CENPP: variants seen among roughly 807,000 people sequenced by gnomAD.
The protein encoded by CENPP is centromere protein P.
A neutral mutation model predicts 35.6 loss-of-function variants in CENPP; 24 were observed. The observed-to-expected ratio is 0.67, with a 90% CI of 0.49 to 0.95. The LOEUF is 0.95. Ranked by LOEUF, CENPP falls within the 40% of genes least tolerant of loss-of-function variation. The probability of loss-of-function intolerance (pLI) is 0.00; values close to 1 mark genes in which losing one functional copy is unlikely to be tolerated. For missense variants in CENPP, 332 were observed against 345.3 expected, an observed-to-expected ratio of 0.96 and a Z score of 0.31; for synonymous variants, 120 against 125.5, an observed-to-expected ratio of 0.96 and a Z score of 0.29.
intron 5 of CENPP, chr9:92,417,450 CA>C (rs1564310365): frequency 1.2e-6 from 2 of 1,613,990 alleles, no homozygotes; most frequent in Non-Finnish European, 1.7e-6. Context: ...TGGTAATCAT[CA>C]TCTGGCTCTT....
chr9:92,404,736 G>A (rs1287633956), intron 5 of CENPP: 1 of 990,200 alleles, frequency 1.0e-6, no homozygotes, highest in Non-Finnish European at 1.3e-6. Flanking sequence ...GTTATTTGTT[G>A]TAACTGCTGC....
At chr9:92,417,661 A>G (rs1280447820) in intron 5 of CENPP, 1 of 731,406 alleles carries the variant, frequency 1.4e-6, no homozygotes, top group Non-Finnish European at 2.2e-6. Context: ...TATGAAATGT[A>G]TTATACCTAT....
chr9:92,495,988 C>A lies in CENPP; in HGVS notation c.565-115326C>A, dbSNP rs1250917822. 3 of 994,154 alleles carry A rather than the reference C, an allele frequency of 3.0e-6. No homozygotes were observed. The African/African-American group carries it at 5.2e-5, about 17-fold the overall frequency. 61.6% of individuals were successfully genotyped at this position (994,154 alleles called of 1,614,324 possible). A position where few individuals can be genotyped will look rare whatever the true frequency, so the allele number is the denominator to read the frequency against. On this transcript the variant is annotated intron_variant, in intron 5 of 7. Coordinates refer to ENST00000375587, the MANE Select transcript of CENPP (RefSeq NM_001012267.3). ...GACTTACAGAGTTCTCAGCTAACAC[C>A]AGTATTCAAGTTGATTATAAAGGCT...
chr9:92,599,109 C>G (rs1421764209), intron 5 of CENPP, among the ~76,000 whole-genome samples: 1 of 149,874 alleles, frequency 6.7e-6, no homozygotes, highest in Non-Finnish European at 1.5e-5. Context: ...GAGTAAGACT[C>G]TGTGTCAAAA....
intron 5 of CENPP, among the ~76,000 whole-genome samples, chr9:92,590,473 C>T (rs1850639773): frequency 6.6e-6 from 1 of 152,140 alleles, no homozygotes; most frequent in South Asian, 2.1e-4. Flanking sequence ...GGAATCTGTC[C>T]TTTGGCTATT....
intron 5 of CENPP, among the ~76,000 whole-genome samples, chr9:92,551,313 T>C (rs747706450): frequency 5.3e-5 from 8 of 152,108 alleles, no homozygotes; most frequent in Admixed American, 2.6e-4. Context: ...TATTGTGATA[T>C]AGCATACTTC....
Position 92,522,907 on chromosome 9 carries a change from A to G in CENPP, c.565-88407A>G, listed in dbSNP as rs780895392. 5 of 1,554,268 alleles carry G rather than the reference A, an allele frequency of 3.2e-6. No individual in the cohort carries two copies. In the East Asian group the frequency reaches 1.1e-4, roughly 35 times the overall value. On this transcript the variant is annotated intron_variant, in intron 5 of 7. Coordinates refer to ENST00000375587, the MANE Select transcript of CENPP (RefSeq NM_001012267.3). ...ACCAGCCAATTTCTAGAATGAAACA[A>G]TATTTCAAAGTTAGTGGTGACTAAA...
At chr9:92,329,659 G>A (rs912265123) in intron 1 of CENPP, among the ~76,000 whole-genome samples, 4 of 151,952 alleles carry the variant, frequency 2.6e-5, no homozygotes, top group African/African-American at 7.3e-5. Flanking sequence ...CTGCCTCAGC[G>A]ACCCTCCACC....
chr9:92,418,721 T>A (rs1279148497), intron 5 of CENPP, among the ~76,000 whole-genome samples: 2 of 152,194 alleles, frequency 1.3e-5, no homozygotes, highest in African/African-American at 4.8e-5. Context: ...CGTGAAATGC[T>A]CCCTTTTGTG....
chr9:92,356,364 G>A (rs1210156284), intron 4 of CENPP, among the ~76,000 whole-genome samples: 1 of 152,154 alleles, frequency 6.6e-6, no homozygotes, highest in African/African-American at 2.4e-5. Context: ...GAAAAATATG[G>A]CTCTTTTTGC....
intron 3 of CENPP, among the ~76,000 whole-genome samples, chr9:92,338,205 C>T (rs1027014349): frequency 1.3e-5 from 2 of 151,778 alleles, no homozygotes; most frequent in Non-Finnish European, 2.9e-5. Flanking sequence ...CCAGCTACTC[C>T]GGAGGCTGAG....
chr9:92,512,162 G>A, intron 5 of CENPP: 2 of 1,438,600 alleles, frequency 1.4e-6, no homozygotes, highest in Non-Finnish European at 2.0e-6. Context: ...AGGCATGTGT[G>A]CATATACATA....
chr9:92,420,494 G>A (rs973916235), intron 5 of CENPP, among the ~76,000 whole-genome samples: 2 of 152,120 alleles, frequency 1.3e-5, no homozygotes, highest in South Asian at 2.1e-4. Flanking sequence ...TCTCACTCTC[G>A]ATTCAAGACC....
chr9:92,567,399 T>TAGATAGATAG (rs34193112), intron 5 of CENPP, among the ~76,000 whole-genome samples: 4,666 of 135,890 alleles, frequency 0.034, 122 homozygotes, highest in East Asian at 0.063. Context: ...TATATATAGA[T>TAGATAGATAG]ATATATATAA....
chr9:92,345,900 A>G, intron 4 of CENPP, 113 bp downstream of exon 4: 2 of 634,426 alleles, frequency 3.2e-6, no homozygotes, highest in Non-Finnish European at 5.6e-6. Context: ...CTCTGAAAGT[A>G]TAACACCACT....
At chr9:92,560,722 G>A (rs1283335348) in intron 5 of CENPP, among the ~76,000 whole-genome samples, 1 of 151,996 alleles carries the variant, frequency 6.6e-6, no homozygotes, top group African/African-American at 2.4e-5. Context: ...TAATCTACAG[G>A]ACATGCCTCC....
At chr9:92,611,594 C>T (rs1851253404) in intron 6 of CENPP, among the ~76,000 whole-genome samples, 1 of 152,090 alleles carries the variant, frequency 6.6e-6, no homozygotes, top group Non-Finnish European at 1.5e-5. Context: ...TGCTGGGCCG[C>T]AGGGGGAAAA....
intron 5 of CENPP, among the ~76,000 whole-genome samples, chr9:92,543,591 A>C (rs1449365877): frequency 6.6e-6 from 1 of 151,900 alleles, no homozygotes; most frequent in Non-Finnish European, 1.5e-5. Flanking sequence ...TGAAAAAAAA[A>C]GTTGAAATTT....
chr9:92,472,075 G>A (rs1391474721), intron 5 of CENPP, among the ~76,000 whole-genome samples: 1 of 152,176 alleles, frequency 6.6e-6, no homozygotes, highest in African/African-American at 2.4e-5. Flanking sequence ...AAATTGGTCA[G>A]GCATGGTGCC....
Sources: gnomAD v4.1 joint callset for allele counts (sites outside exome capture counted in the v4.1 genomes callset) on GRCh38, gnomAD v4.1.1 for gene constraint, MANE v1.5 for transcripts, NCBI Gene and HGNC (gene_info 2026-07-23, HGNC 2026-07-21) for gene names.